The following THADA variants were observed in gnomAD, a reference collection of about 807,000 sequenced individuals.
THADA encodes the protein tRNA (32-2'-O)-methyltransferase regulator THADA.
A neutral mutation model predicts 219.8 loss-of-function variants in THADA; 213 were observed. The ratio of observed to expected loss-of-function variants is 0.97; its 90% CI spans 0.87 to 1.09. The LOEUF (loss-of-function observed/expected upper bound fraction) is 1.09, where lower values mean the gene tolerates loss of function less well. Among genes scored for constraint, THADA ranks in the 50% least tolerant of loss-of-function variants. THADA has a pLI of 0.00. For synonymous variants in THADA, 1,018 were observed against 828.9 expected (o/e 1.23, Z -3.92); for missense variants, 2,956 against 2,311.3 (o/e 1.28, Z -5.72).
Position 43,581,775 on chromosome 2 carries a change from T to A in THADA, c.687A>T (p.Gly229=), listed in dbSNP as rs758447220. 3.3e-5 allele frequency: 54 copies of A among 1,612,082 alleles called. No homozygotes were observed. Among genetic ancestry groups the A allele is most frequent in the Non-Finnish European group, 4.6e-5 (54 of 1,179,540 alleles). Residue 229 remains glycine (G), a synonymous_variant, in exon 8 of 38, where the codon GGA becomes GGT. Transcript: ENST00000405975. The stretch of plus-strand genomic sequence containing the variant: ...AAACCTTGGTAAAAATACTCAGCAA[T>A]CCACACATATTTTGCCATATGGGAG... The part of the protein sequence containing the change: ...SDSPIWQNMC[G]LLSIFTKVLS...
intron 28 of THADA, among the ~76,000 whole-genome samples, chr2:43,406,592 C>A (rs1468435659): frequency 6.6e-6 from 1 of 152,116 alleles, no homozygotes; most frequent in Non-Finnish European, 1.5e-5. Flanking sequence ...TTTCCTGACT[C>A]TGGGAAAAAT....
chr2:43,424,147 A>G (rs575943516), intron 28 of THADA, among the ~76,000 whole-genome samples: 114 of 152,284 alleles, frequency 7.5e-4, no homozygotes, highest in African/African-American at 2.6e-3. Context: ...ATAATGGCAT[A>G]TATGTTTAGG....
Position 43,279,760 on chromosome 2 carries a change from G to C in THADA, c.5296+5C>G. ...AGACAATGCAAAAGGATAAGAACGAGGTACCTGTTGACTGGCAGGTATTTT... is the reference window on the plus strand; with the variant it reads ...AGACAATGCAAAAGGATAAGAACGACGTACCTGTTGACTGGCAGGTATTTT... On this transcript the variant is annotated splice_donor_5th_base_variant and intron_variant, in intron 36 of 37. Transcript: ENST00000405975. The C allele has an allele frequency of 1.3e-6, 2 of 1,547,406 alleles. No homozygotes were observed. The highest frequency in any genetic ancestry group is 1.7e-6 in the Non-Finnish European group (2 of 1,145,538).
intron 31 of THADA, among the ~76,000 whole-genome samples, chr2:43,302,303 T>A (rs191715307): frequency 4.3e-4 from 66 of 152,202 alleles, no homozygotes; most frequent in Middle Eastern, 3.4e-3. Context: ...TAAGTTAGAG[T>A]GATTTTTTTC....
chr2:43,515,214 A>T (rs367718769), intron 22 of THADA, among the ~76,000 whole-genome samples: 1,760 of 19,536 alleles, frequency 0.09, 211 homozygotes, highest in Middle Eastern at 0.19. Flanking sequence ...TATAATATAT[A>T]ATATATTATA....
At chr2:43,525,604 G>T (rs772661833) in intron 22 of THADA, among the ~76,000 whole-genome samples, 5 of 152,146 alleles carry the variant, frequency 3.3e-5, no homozygotes, top group Non-Finnish European at 7.3e-5. Flanking sequence ...GTCCCACCAA[G>T]GTGCCATAAA....
intron 36 of THADA, among the ~76,000 whole-genome samples, chr2:43,279,054 C>T (rs1402865135): frequency 3.9e-5 from 6 of 152,184 alleles, no homozygotes; most frequent in South Asian, 2.1e-4. Flanking sequence ...AGAGGTGTGA[C>T]CTTATTTCTA....
chr2:43,381,633 T>G (rs1672044038), intron 29 of THADA, among the ~76,000 whole-genome samples: 1 of 151,916 alleles, frequency 6.6e-6, no homozygotes, highest in Non-Finnish European at 1.5e-5. Flanking sequence ...CAGGCTGGAT[T>G]GCAGTGGCAT....
chr2:43,320,458 C>G lies in THADA; in HGVS notation c.4426G>C (p.Asp1476His), dbSNP rs764636271. The change falls in exon 31 of 38, where the codon GAC becomes CAC. Residue 1476 changes from aspartate to histidine, a missense_variant. Coordinates refer to ENST00000405975, the MANE Select transcript of THADA (RefSeq NM_022065.5). The stretch of plus-strand genomic sequence containing the variant: ...CTATGAATCATACCTGGCTGGTTGT[C>G]CTTTGCAGATCTGTTGAGGCAGCAA... ...LTCCLNRSAK[D>H]NQPVLESLGF... is the part of the protein sequence containing the mutation. 6.2e-7 allele frequency: 1 copy of G among 1,612,352 alleles called. No individual in the cohort carries two copies. Among genetic ancestry groups the G allele is most frequent in the Non-Finnish European group, 8.5e-7 (1 of 1,178,918 alleles).
intron 25 of THADA, chr2:43,491,893 T>C (rs1687680359): frequency 6.6e-6 from 1 of 152,210 alleles, no homozygotes; most frequent in Non-Finnish European, 1.5e-5. Flanking sequence ...AAATACATGG[T>C]TGATAGGAAC....
chr2:43,537,921 C>T (rs1694807733), intron 21 of THADA, among the ~76,000 whole-genome samples: 1 of 143,112 alleles, frequency 7.0e-6, no homozygotes. Flanking sequence ...GCTTGGGCGC[C>T]AGAATGGGAC....
At chr2:43,310,129 G>A (rs1419298964) in intron 31 of THADA, among the ~76,000 whole-genome samples, 1 of 151,800 alleles carries the variant, frequency 6.6e-6, no homozygotes, top group African/African-American at 2.4e-5. Flanking sequence ...TGTTATGATG[G>A]CAGTACTCTT....
At chr2:43,446,725 T>C (rs1429459670) in intron 26 of THADA, among the ~76,000 whole-genome samples, 5 of 152,246 alleles carry the variant, frequency 3.3e-5, no homozygotes, top group South Asian at 2.1e-4. Flanking sequence ...ACAGTTATAA[T>C]ACTGAAGGCA....
chr2:43,505,526 C>A (rs1689554751), intron 24 of THADA, 96 bp downstream of exon 24: 1 of 901,176 alleles, frequency 1.1e-6, no homozygotes, highest in Non-Finnish European at 1.7e-6. Context: ...TGTACTCCAG[C>A]CTGGGTAACA....
At chr2:43,273,742 G>C (rs911900938) in intron 36 of THADA, among the ~76,000 whole-genome samples, 4 of 152,104 alleles carry the variant, frequency 2.6e-5, no homozygotes, top group East Asian at 1.9e-4. Context: ...TCACTCCATA[G>C]GGCCACTGGA....
At chr2:43,364,645 G>A (rs1669921603) in intron 29 of THADA, among the ~76,000 whole-genome samples, 1 of 152,226 alleles carries the variant, frequency 6.6e-6, no homozygotes, top group Non-Finnish European at 1.5e-5. Flanking sequence ...AGTTAGTATA[G>A]TCTACATCCT....
intron 7 of THADA, among the ~76,000 whole-genome samples, chr2:43,585,006 C>G (rs140907704): frequency 6.6e-6 from 1 of 152,162 alleles, no homozygotes; most frequent in East Asian, 1.9e-4. Flanking sequence ...ACTCAGCAAC[C>G]AGAATATTAA....
intron 31 of THADA, among the ~76,000 whole-genome samples, chr2:43,295,355 G>C (rs1442453115): frequency 6.6e-6 from 1 of 152,226 alleles, no homozygotes; most frequent in Non-Finnish European, 1.5e-5. Context: ...TGCCTCAAAC[G>C]CTCTTCCAGG....
chr2:43,525,388 T>C (rs1159862696), intron 22 of THADA, among the ~76,000 whole-genome samples: 2 of 152,322 alleles, frequency 1.3e-5, no homozygotes, highest in South Asian at 2.1e-4. Flanking sequence ...GGTCCTAAGA[T>C]GCACTTAAAA....
Sources: gnomAD v4.1 joint callset for allele counts (sites outside exome capture counted in the v4.1 genomes callset) on GRCh38, gnomAD v4.1.1 for gene constraint, MANE v1.5 for transcripts, NCBI Gene and HGNC (gene_info 2026-07-23, HGNC 2026-07-21) for gene names.